Variants in HYI observed in about 807,000 individuals in gnomAD.
HYI encodes hydroxypyruvate isomerase (putative), also known as putative hydroxypyruvate isomerase.
A neutral mutation model predicts 39.7 loss-of-function variants in HYI; 47 were observed. The ratio of observed to expected loss-of-function variants is 1.18; its 90% CI spans 0.94 to 1.51. The LOEUF (loss-of-function observed/expected upper bound fraction) is 1.51. HYI is among the 40% of genes most tolerant of loss of function. The pLI is 0.00. For synonymous variants in HYI, 186 were observed against 158.8 expected, an observed-to-expected ratio of 1.17 and a Z score of -1.29; for missense variants, 465 against 370.3, an observed-to-expected ratio of 1.26 and a Z score of -2.10.
At position 43,451,476 on chromosome 1, in the gene HYI, A is replaced by C; in HGVS notation, c.694T>G (p.Tyr232Asp). Residue 232 changes from tyrosine to aspartate, a missense_variant, in exon 7 of 8, where the codon TAT becomes GAT. Physicochemically the swap from Tyr to Asp is radical, Grantham distance 160 (BLOSUM62 -3). Transcript: ENST00000372430. ...PSSPGELNFP[Y>D]LFQLLEDEGY... ...TCATCTTCCAGCAGTTGAAACAGAT[A>C]GGGGAAATTCAGCTCTCCGGGGCTG... 1.2e-6 allele frequency: 2 copies of C among 1,614,136 alleles called. No individual in the cohort carries two copies. Among genetic ancestry groups the C allele is most frequent in the Non-Finnish European group, 1.7e-6 (2 of 1,180,036 alleles).
intron 2 of HYI, 48 bp from the exon 3 acceptor site, chr1:43,452,367 C>T (rs1557615896): frequency 6.9e-7 from 1 of 1,441,852 alleles, no homozygotes; most frequent in Admixed American, 1.8e-5. Context: ...GCTCTCTCTG[C>T]ACCTCTTCCA....
At chr1:43,452,049 T>C in intron 3 of HYI, 36 bp from the exon 4 acceptor site, 2 of 1,579,994 alleles carry the variant, frequency 1.3e-6, no homozygotes, top group Non-Finnish European at 1.7e-6. Context: ...TAGAGCTCCT[T>C]CCCAAGTTTG....
Position 43,453,385 on chromosome 1 carries a change from C to G in HYI, c.311+1G>C, listed in dbSNP as rs1656657095. On this transcript the variant is annotated splice_donor_variant, in intron 2 of 7. Transcript: ENST00000372430. LOFTEE classifies it high-confidence loss of function. ...GGTGGGGGTGGGGTGGAGCGGGGTA[C>G]CTGGGACAGCCCAGGGCTTTGGCAT... is the stretch of plus-strand genomic sequence containing the variant. 1.3e-6 allele frequency: 2 copies of G among 1,546,984 alleles called. No homozygotes were observed. The highest frequency in any genetic ancestry group is 1.7e-6 in the Non-Finnish European group (2 of 1,143,168).
chr1:43,451,154 A>G lies in HYI; in HGVS notation c.*84T>C. 7.9e-7 allele frequency: 1 copy of G among 1,260,400 alleles called. No individual in the cohort carries two copies. Among genetic ancestry groups the G allele is most frequent in the Non-Finnish European group, 1.2e-6 (1 of 858,544 alleles). 78.1% of individuals were successfully genotyped at this position (1,260,400 alleles called of 1,614,324 possible). On this transcript the variant is annotated 3_prime_UTR_variant, in exon 8 of 8. Transcript: ENST00000372430. The stretch of plus-strand genomic sequence containing the variant: ...CCACCCCATTACAGAGACATATGAC[A>G]ATGTTCAGCAGGTCATCTTTAATGC...
chr1:43,453,268 G>T, intron 2 of HYI, 118 bp downstream of exon 2: 1 of 700,312 alleles, frequency 1.4e-6, no homozygotes, highest in Non-Finnish European at 2.4e-6. Context: ...GGACCGCAGA[G>T]GCAGAGATAA....
chr1:43,451,635 A>G lies in HYI; in HGVS notation c.625+13T>C. Reference sequence around the variant, plus strand: ...GATTGAAAGGGTGGGAGGGCAAAGGAAGGTCCTCTCACCAACAATGGGCAG... The same window carrying G: ...GATTGAAAGGGTGGGAGGGCAAAGGGAGGTCCTCTCACCAACAATGGGCAG... On this transcript the variant is annotated intron_variant, in intron 6 of 7. Coordinates refer to ENST00000372430, the MANE Select transcript of HYI (RefSeq NM_001190880.3). 4 of 1,614,002 alleles carry G rather than the reference A, an allele frequency of 2.5e-6. No individual in the cohort carries two copies. Among genetic ancestry groups the G allele is most frequent in the Non-Finnish European group, 3.4e-6 (4 of 1,179,946 alleles).
In HYI at chr1:43,453,623, C is replaced by T. The variant is rs562895474; in HGVS notation, c.171G>A (p.Leu57=). ...GGGGCGTGTTGATCAGTACAAGCCG[C>T]AGCCCCGCTTCTCGCGCGGCGCGCG... ...ALARAAREAG[L]RLVLINTPPG... The change falls in exon 1 of 8, where the codon CTG becomes CTA. Residue 57 remains leucine, a synonymous_variant. Coordinates refer to ENST00000372430, the MANE Select transcript of HYI (RefSeq NM_001190880.3). The T allele has an allele frequency of 3.8e-3, 5,706 of 1,497,044 alleles. 14 individuals are homozygous for T. Among genetic ancestry groups the T allele is most frequent in the Non-Finnish European group, 4.4e-3 (5,007 of 1,128,456 alleles). The allele number at this position is 1,497,044 out of a possible 1,614,324, so 92.7% of individuals were successfully genotyped here.
At chr1:43,452,581 T>C (rs1464606313) in intron 2 of HYI, 2 of 608,908 alleles carry the variant, frequency 3.3e-6, no homozygotes, top group Non-Finnish European at 5.9e-6. Flanking sequence ...TCGGTCCTTC[T>C]CCGCAACCTG....
chr1:43,451,075 C>T lies in HYI; in HGVS notation c.*163G>A, dbSNP rs756345534. ...TTCACAGCAACCCTGGCACTGGCTT[C>T]TCAATGGGAGGGAAGCAGCAGAGAA... On this transcript the variant is annotated 3_prime_UTR_variant, in exon 8 of 8. Coordinates refer to ENST00000372430, the MANE Select transcript of HYI (RefSeq NM_001190880.3). 3.6e-6 allele frequency: 3 copies of T among 825,038 alleles called. No individual in the cohort carries two copies. Among genetic ancestry groups the T allele is most frequent in the South Asian group, 2.7e-5 (2 of 74,698 alleles). The allele number at this position is 825,038 out of a possible 1,614,324, so 51.1% of individuals were successfully genotyped here.
At chr1:43,452,767 G>T in intron 2 of HYI, 2 of 858,208 alleles carry the variant, frequency 2.3e-6, no homozygotes, top group Non-Finnish European at 3.7e-6. Flanking sequence ...TTCTGAGCCT[G>T]TTTGGCCTCT....
downstream of HYI, chr1:43,450,845 A>G (rs762857507): frequency 1.4e-6 from 1 of 712,140 alleles, no homozygotes; most frequent in South Asian, 1.4e-5. The surrounding 1 kb of genome is among the most constrained non-coding windows in gnomAD (Gnocchi z 4.3). Context: ...CTAGCCTTTG[A>G]CCACTGTCAG....
Position 43,453,861 on chromosome 1 carries a change from C to CGGGTGG in HYI, c.-69_-68insCCACCC. 34 of 757,906 alleles carry CGGGTGG rather than the reference C, an allele frequency of 4.5e-5. No individual in the cohort carries two copies. The highest frequency in any genetic ancestry group is 5.7e-5 in the Non-Finnish European group (33 of 574,654). The allele number at this position is 757,906 out of a possible 1,614,324, so 46.9% of individuals were successfully genotyped here. ...GCGGCGGGCGGCGGGCGGCGGGCGGCGGGCGGGGGCGGGGCTCTCCTTGCT... is the reference window on the plus strand; with the variant it reads ...GCGGCGGGCGGCGGGCGGCGGGCGGCGGGTGGGGGCGGGGGCGGGGCTCTCCTTGCT... On this transcript the variant is annotated 5_prime_UTR_variant, in exon 1 of 8. Coordinates refer to ENST00000372430, the MANE Select transcript of HYI (RefSeq NM_001190880.3).
chr1:43,452,927 A>G, intron 2 of HYI: 1 of 1,607,648 alleles, frequency 6.2e-7, no homozygotes, highest in Non-Finnish European at 8.5e-7. Context: ...GAACGCTGCC[A>G]AATACACCAG....
At chr1:43,450,673 AC>A, downstream of HYI, 1 of 820,446 alleles carries the variant, frequency 1.2e-6, no homozygotes, top group Non-Finnish European at 1.9e-6. The surrounding 1 kb of genome is among the most constrained non-coding windows in gnomAD (Gnocchi z 4.3). Context: ...CTCCCCAAAC[AC>A]CCACAGCCAC....
chr1:43,452,934 C>G (rs1029458781), intron 2 of HYI: 1 of 1,608,392 alleles, frequency 6.2e-7, no homozygotes. Flanking sequence ...GCCAAATACA[C>G]CAGGCCTCCT....
intron 2 of HYI, chr1:43,452,864 C>G (rs903901568): frequency 6.4e-7 from 1 of 1,565,718 alleles, no homozygotes; most frequent in Non-Finnish European, 8.7e-7. Flanking sequence ...CAGCTCCAAG[C>G]AGACATTCCA....
Position 43,453,390 on chromosome 1 carries a change from G to C in HYI, c.307C>G (p.Pro103Ala), listed in dbSNP as rs1656657963. The C allele has an allele frequency of 6.4e-7, 1 of 1,551,082 alleles. No individual in the cohort carries two copies. The highest frequency in any genetic ancestry group is 8.7e-7 in the Non-Finnish European group (1 of 1,146,194). Reference protein sequence around the residue: ...AVRYAKALGCPRIHLMAGRVP... With the variant: ...AVRYAKALGCARIHLMAGRVP... ...GGGTGGGGTGGAGCGGGGTACCTGG[G>C]ACAGCCCAGGGCTTTGGCATACCGC... The change falls in exon 2 of 8, where the codon CCC becomes GCC. Residue 103 changes from proline (P) to alanine (A), a missense_variant. By Grantham distance (27) the Pro-to-Ala change is conservative (BLOSUM62 -1). Transcript: ENST00000372430.
Position 43,451,807 on chromosome 1 carries a change from T to C in HYI, c.546A>G (p.Gln182=). 1 of 1,613,994 alleles carries C rather than the reference T, an allele frequency of 6.2e-7. No homozygotes were observed. ...ILQKVGRPNL[Q]LQMDIFHWQI... Reference sequence around the variant, plus strand: ...ACCCCCTTCCACTTACCATTTGTAATTGGAGGTTGGGTCTTCCTACCTTCT... The same window carrying C: ...ACCCCCTTCCACTTACCATTTGTAACTGGAGGTTGGGTCTTCCTACCTTCT... The change falls in exon 5 of 8, where the codon CAA becomes CAG. Residue 182 remains glutamine, a synonymous_variant. Coordinates refer to ENST00000372430, the MANE Select transcript of HYI (RefSeq NM_001190880.3).
intron 3 of HYI, 24 bp downstream of exon 3, chr1:43,452,181 C>G (rs772308235): frequency 6.4e-7 from 1 of 1,573,990 alleles, no homozygotes; most frequent in Non-Finnish European, 8.7e-7. Flanking sequence ...CATGTAAGTA[C>G]GTGTGTGTTT....
Sources: gnomAD v4.1 joint callset for allele counts on GRCh38, gnomAD v4.1.1 for gene constraint, Gnocchi (gnomAD v3.1) non-coding constraint, MANE v1.5 for transcripts, NCBI Gene and HGNC (gene_info 2026-07-23, HGNC 2026-07-21) for gene names.